Variants in CNTNAP2 observed in about 807,000 individuals in gnomAD.
CNTNAP2 encodes the protein contactin-associated protein-like 2.
Under a neutral mutation model 155.2 loss-of-function variants are expected in CNTNAP2, and 98 were observed. The observed-to-expected ratio is 0.63, with a 90% CI of 0.54 to 0.75. CNTNAP2 has a LOEUF of 0.75. Ranked by LOEUF, CNTNAP2 falls within the 30% of genes least tolerant of loss-of-function variation. CNTNAP2 has a pLI of 0.00. For synonymous variants in CNTNAP2, 651 were observed against 631.2 expected, an observed-to-expected ratio of 1.03 and a Z score of -0.47; for missense variants, 1,727 against 1,688.1, an observed-to-expected ratio of 1.02 and a Z score of -0.40.
At chr7:147,444,898 TG>T (rs1797707130) in intron 10 of CNTNAP2, among the ~76,000 whole-genome samples, 1 of 152,262 alleles carries the variant, frequency 6.6e-6, no homozygotes, top group African/African-American at 2.4e-5. Flanking sequence ...GAAGCATAGC[TG>T]GGAGGCCTCA....
At chr7:147,399,975 C>A (rs928366806) in intron 10 of CNTNAP2, among the ~76,000 whole-genome samples, 2 of 152,142 alleles carry the variant, frequency 1.3e-5, no homozygotes, top group African/African-American at 4.8e-5. Context: ...AGGTAAAATA[C>A]CCAGAGATAA....
chr7:146,677,409 T>C (rs1313460424), intron 1 of CNTNAP2, among the ~76,000 whole-genome samples: 1 of 152,220 alleles, frequency 6.6e-6, no homozygotes, highest in Admixed American at 6.5e-5. Context: ...ATGTTTCTTA[T>C]GGAACTTAAA....
intron 21 of CNTNAP2, among the ~76,000 whole-genome samples, chr7:148,328,601 C>T (rs1402386207): frequency 1.3e-5 from 2 of 152,026 alleles, no homozygotes; most frequent in East Asian, 1.9e-4. Context: ...TCACATCCAC[C>T]CTCAAATCAG....
chr7:146,514,822 C>T (rs1392738623), intron 1 of CNTNAP2, among the ~76,000 whole-genome samples: 2 of 151,934 alleles, frequency 1.3e-5, no homozygotes, highest in East Asian at 1.9e-4. Context: ...TAGTCTTTGC[C>T]TTCTGGCTTG....
intron 12 of CNTNAP2, among the ~76,000 whole-genome samples, chr7:147,628,439 A>G (rs9886086): frequency 0.02 from 3,087 of 152,278 alleles, 113 homozygotes; most frequent in African/African-American, 0.07. Flanking sequence ...TGCTGAGAAA[A>G]TTTGCCACAA....
intron 9 of CNTNAP2, among the ~76,000 whole-genome samples, chr7:147,311,418 T>C (rs1366736584): frequency 2.0e-5 from 3 of 152,174 alleles, no homozygotes; most frequent in African/African-American, 7.2e-5. Flanking sequence ...GGCCAGTCTC[T>C]AGCAAAAATT....
At chr7:147,680,324 G>A (rs1477671400) in intron 13 of CNTNAP2, among the ~76,000 whole-genome samples, 1 of 151,616 alleles carries the variant, frequency 6.6e-6, no homozygotes, top group African/African-American at 2.4e-5. Context: ...TAATAACTAC[G>A]GTACTTCTAA....
At chr7:147,727,181 T>C (rs1302345288) in intron 13 of CNTNAP2, among the ~76,000 whole-genome samples, 1 of 151,878 alleles carries the variant, frequency 6.6e-6, no homozygotes, top group African/African-American at 2.4e-5. Flanking sequence ...CCCCAGTAGA[T>C]TGGTGTGTAG....
At chr7:148,171,897 T>C (rs577643331) in intron 17 of CNTNAP2, among the ~76,000 whole-genome samples, 1 of 152,344 alleles carries the variant, frequency 6.6e-6, no homozygotes, top group South Asian at 2.1e-4. Flanking sequence ...CAGAACTCGA[T>C]GTTGTGAGAT....
At chr7:146,692,839 A>T (rs1800720371) in intron 1 of CNTNAP2, among the ~76,000 whole-genome samples, 1 of 152,144 alleles carries the variant, frequency 6.6e-6, no homozygotes, top group Non-Finnish European at 1.5e-5. Context: ...TATTATTTTG[A>T]ATATTAATAC....
chr7:148,195,201 A>C (rs762615056), intron 18 of CNTNAP2, among the ~76,000 whole-genome samples: 3 of 152,200 alleles, frequency 2.0e-5, no homozygotes, highest in Non-Finnish European at 4.4e-5. Flanking sequence ...CCTTCTGGGC[A>C]AGGGCTGATG....
At chr7:146,630,924 G>GA (rs1012458639) in intron 1 of CNTNAP2, among the ~76,000 whole-genome samples, 30 of 151,606 alleles carry the variant, frequency 2.0e-4, no homozygotes, top group African/African-American at 6.5e-4. Context: ...CAAACAAATG[G>GA]AAAAAAAATC....
intron 1 of CNTNAP2, among the ~76,000 whole-genome samples, chr7:146,193,051 C>T (rs181903021): frequency 1.2e-4 from 19 of 152,372 alleles, no homozygotes; most frequent in Admixed American, 1.1e-3. Flanking sequence ...CCATGTCTCA[C>T]ATCCAGGACA....
chr7:146,860,601 C>A (rs1795078586), intron 3 of CNTNAP2, among the ~76,000 whole-genome samples: 1 of 151,948 alleles, frequency 6.6e-6, no homozygotes, highest in African/African-American at 2.4e-5. Context: ...CTACTCATCC[C>A]TATGAAGACT....
chr7:146,508,477 C>A (rs184301735), intron 1 of CNTNAP2, among the ~76,000 whole-genome samples: 42 of 152,342 alleles, frequency 2.8e-4, no homozygotes, highest in Admixed American at 1.4e-3. Flanking sequence ...TCTATGTATG[C>A]AACCTTGCCT....
intron 1 of CNTNAP2, among the ~76,000 whole-genome samples, chr7:146,290,472 G>C (rs73459954): frequency 0.061 from 9,264 of 152,224 alleles, 953 homozygotes; most frequent in African/African-American, 0.21. Context: ...TCACAATTCT[G>C]AAGCACAGCA....
chr7:146,865,946 C>T (rs1795196073), intron 3 of CNTNAP2, among the ~76,000 whole-genome samples: 1 of 152,132 alleles, frequency 6.6e-6, no homozygotes, highest in African/African-American at 2.4e-5. Flanking sequence ...ATACTATTGT[C>T]TTTGCGTCTG....
intron 1 of CNTNAP2, among the ~76,000 whole-genome samples, chr7:146,447,599 A>C (rs924873589): frequency 3.9e-5 from 6 of 152,158 alleles, no homozygotes; most frequent in Non-Finnish European, 8.8e-5. Flanking sequence ...AAAATATGAG[A>C]ATCTTGCAAC....
At chr7:147,480,368 A>C (rs1798399842) in intron 10 of CNTNAP2, among the ~76,000 whole-genome samples, 1 of 152,302 alleles carries the variant, frequency 6.6e-6, no homozygotes. Flanking sequence ...CCAGGTGTAA[A>C]GTTGGCATTA....
Sources: allele counts gnomAD v4.1 joint callset (sites outside exome capture counted in the v4.1 genomes callset), GRCh38; gene constraint gnomAD v4.1.1; transcripts MANE v1.5; gene names NCBI Gene and HGNC (gene_info 2026-07-23, HGNC 2026-07-21).